Variants in CNTNAP2 observed in about 807,000 individuals in gnomAD.
CNTNAP2 encodes contactin associated protein 2, also known as contactin-associated protein-like 2.
In CNTNAP2, 98 loss-of-function variants were observed where a neutral mutation model predicts 155.2. The ratio of observed to expected loss-of-function variants is 0.63; its 90% confidence interval spans 0.54 to 0.75. CNTNAP2 has a LOEUF of 0.75. Ranked by LOEUF, CNTNAP2 falls within the 30% of genes least tolerant of loss-of-function variation. CNTNAP2 has a pLI of 0.00. For synonymous variants in CNTNAP2, 651 were observed against 631.2 expected (o/e 1.03, Z -0.47); for missense variants, 1,727 against 1,688.1 (o/e 1.02, Z -0.40).
At chr7:146,406,778 C>T (rs771816672) in intron 1 of CNTNAP2, among the ~76,000 whole-genome samples, 1 of 152,166 alleles carries the variant, frequency 6.6e-6, no homozygotes, top group Non-Finnish European at 1.5e-5. Flanking sequence ...AAAACCAGAG[C>T]AGCTGCTCTA....
intron 23 of CNTNAP2, among the ~76,000 whole-genome samples, chr7:148,415,167 T>G (rs1799951781): frequency 2.0e-5 from 3 of 152,270 alleles, no homozygotes. Context: ...GTCTGTAGAC[T>G]GTCATTTCAT....
In CNTNAP2 at chr7:147,039,206, G is replaced by GTATA. The variant is rs61188354; in HGVS notation, c.403-4694_403-4691dup. On this transcript the variant is annotated intron_variant, in intron 3 of 23. Coordinates refer to ENST00000361727, the MANE Select transcript of CNTNAP2 (RefSeq NM_014141.6). ...TACATATATGTGTATGTGTGTATGT[G>GTATA]TATATATATAGACACATATTCAGGT... Among the ~76,000 whole-genome samples the GTATA allele has an allele frequency of 1.2e-4, 18 of 151,856 alleles. No individual in the cohort carries two copies. The South Asian group carries it at 1.5e-3, about 12-fold the overall frequency.
At chr7:148,173,396 A>G (rs1175959804) in intron 18 of CNTNAP2, among the ~76,000 whole-genome samples, 2 of 152,240 alleles carry the variant, frequency 1.3e-5, no homozygotes, top group Non-Finnish European at 2.9e-5. Context: ...GCATCTCTTA[A>G]TAAGAAGCTT....
At chr7:146,286,783 G>T (rs917491839) in intron 1 of CNTNAP2, among the ~76,000 whole-genome samples, 1 of 152,106 alleles carries the variant, frequency 6.6e-6, no homozygotes, top group African/African-American at 2.4e-5. Context: ...ACTTGACCCA[G>T]TGCATTTCTT....
intron 1 of CNTNAP2, among the ~76,000 whole-genome samples, chr7:146,402,599 G>A (rs919195377): frequency 2.6e-5 from 4 of 152,058 alleles, no homozygotes; most frequent in African/African-American, 4.8e-5. Context: ...ATAACACAAA[G>A]TGATAAGTCT....
chr7:146,976,252 C>G (rs1399031968), intron 3 of CNTNAP2, among the ~76,000 whole-genome samples: 2 of 152,148 alleles, frequency 1.3e-5, no homozygotes, highest in Admixed American at 1.3e-4. Context: ...TCTCCATGTA[C>G]CAAGTAAGCA....
chr7:147,468,995 G>T (rs1285158394), intron 10 of CNTNAP2, among the ~76,000 whole-genome samples: 1 of 151,852 alleles, frequency 6.6e-6, no homozygotes, highest in Non-Finnish European at 1.5e-5. Flanking sequence ...GCTGATTTTT[G>T]TATTTTTAGT....
At chr7:146,547,742 A>G (rs1005070682) in intron 1 of CNTNAP2, among the ~76,000 whole-genome samples, 1 of 151,746 alleles carries the variant, frequency 6.6e-6, no homozygotes, top group Non-Finnish European at 1.5e-5. Flanking sequence ...TACCTTGGGT[A>G]TTGGGAATGT....
intron 1 of CNTNAP2, among the ~76,000 whole-genome samples, chr7:146,356,482 G>C (rs1396031022): frequency 6.6e-6 from 1 of 152,058 alleles, no homozygotes; most frequent in Non-Finnish European, 1.5e-5. Flanking sequence ...CTCAATTCCA[G>C]CTACAGGAAC....
At chr7:148,105,495 C>T (rs935790006) in intron 15 of CNTNAP2, among the ~76,000 whole-genome samples, 3 of 152,134 alleles carry the variant, frequency 2.0e-5, no homozygotes, top group Non-Finnish European at 2.9e-5. Context: ...ACCGAGCTTG[C>T]AATACTATAT....
At chr7:146,897,951 T>G (rs926634144) in intron 3 of CNTNAP2, among the ~76,000 whole-genome samples, 3 of 152,114 alleles carry the variant, frequency 2.0e-5, no homozygotes, top group African/African-American at 7.2e-5. Context: ...ATTTTTAATA[T>G]CTAAAAACAA....
At chr7:147,302,432 C>T (rs759645530) in intron 9 of CNTNAP2, among the ~76,000 whole-genome samples, 8 of 152,112 alleles carry the variant, frequency 5.3e-5, no homozygotes, top group Non-Finnish European at 1.2e-4. Flanking sequence ...GGTTTTTGAG[C>T]CCAGGAGTCA....
At chr7:147,716,968 A>C (rs1796488499) in intron 13 of CNTNAP2, among the ~76,000 whole-genome samples, 1 of 152,088 alleles carries the variant, frequency 6.6e-6, no homozygotes, top group South Asian at 2.1e-4. Context: ...TCCCTTCTCT[A>C]ATAAAGCAAG....
intron 1 of CNTNAP2, among the ~76,000 whole-genome samples, chr7:146,531,605 G>A (rs1435480856): frequency 6.6e-6 from 1 of 152,136 alleles, no homozygotes; most frequent in Non-Finnish European, 1.5e-5. Flanking sequence ...GAGTGCAATG[G>A]CATGATCAAG....
intron 1 of CNTNAP2, among the ~76,000 whole-genome samples, chr7:146,744,270 C>T (rs775662479): frequency 5.9e-5 from 7 of 118,790 alleles, no homozygotes; most frequent in African/African-American, 9.4e-5. Context: ...ATTTAAATAA[C>T]ATTTAATGAG....
At chr7:146,860,691 A>C (rs1386892166) in intron 3 of CNTNAP2, among the ~76,000 whole-genome samples, 1 of 152,190 alleles carries the variant, frequency 6.6e-6, no homozygotes, top group Non-Finnish European at 1.5e-5. Context: ...ACCTAAAGAA[A>C]GCATCTACAT....
intron 1 of CNTNAP2, among the ~76,000 whole-genome samples, chr7:146,397,620 T>A (rs1194226309): frequency 2.0e-5 from 3 of 152,190 alleles, no homozygotes; most frequent in African/African-American, 7.2e-5. Flanking sequence ...TGATCTCTAC[T>A]CCTTATGTTT....
In CNTNAP2 at chr7:147,747,129, G is replaced by A. The variant is rs187689497; in HGVS notation, c.2098+107823G>A. ...TTAATTCTATCCACATGAACTCACCGACCGCCTCTTATCTATGTCAGAAAT... is the reference window on the plus strand; with the variant it reads ...TTAATTCTATCCACATGAACTCACCAACCGCCTCTTATCTATGTCAGAAAT... On this transcript the variant is annotated intron_variant, in intron 13 of 23. Coordinates refer to ENST00000361727, the MANE Select transcript of CNTNAP2 (RefSeq NM_014141.6). Among the ~76,000 whole-genome samples the A allele has an allele frequency of 3.2e-4, 49 of 152,184 alleles. No individual in the cohort carries two copies. In the East Asian group the frequency reaches 9.1e-3, roughly 28 times the overall value.
chr7:147,227,082 T>C (rs1253397218), intron 8 of CNTNAP2, among the ~76,000 whole-genome samples: 1 of 152,194 alleles, frequency 6.6e-6, no homozygotes, highest in Non-Finnish European at 1.5e-5. Context: ...GTTTCAATTT[T>C]TTAGAAACAG....
Sources: allele counts gnomAD v4.1 joint callset (sites outside exome capture counted in the v4.1 genomes callset), GRCh38; gene constraint gnomAD v4.1.1; transcripts MANE v1.5; gene names NCBI Gene and HGNC (gene_info 2026-07-23, HGNC 2026-07-21).